Variants in TRIM9 observed in about 807,000 individuals in gnomAD.
TRIM9 encodes the protein tripartite motif containing 9.
A neutral mutation model predicts 78.3 loss-of-function variants in TRIM9; 26 were observed. That is an observed-to-expected ratio of 0.33 (90% CI 0.24 to 0.46). The LOEUF (loss-of-function observed/expected upper bound fraction) is 0.46, where lower values mean the gene tolerates loss of function less well. Among genes scored for constraint, TRIM9 ranks in the 20% least tolerant of loss-of-function variants. TRIM9 has a pLI of 1.00. For missense variants in TRIM9, 787 were observed against 1,036.4 expected, an observed-to-expected ratio of 0.76 and a Z score of 3.30; for synonymous variants, 398 against 416.5, an observed-to-expected ratio of 0.96 and a Z score of 0.54.
chr14:51,009,751 T>C (rs2056322820), intron 4 of TRIM9, among the ~76,000 whole-genome samples: 1 of 152,260 alleles, frequency 6.6e-6, no homozygotes, highest in East Asian at 1.9e-4. Flanking sequence ...TCATTTCTTA[T>C]ATTCAATCGC....
In TRIM9 at chr14:51,049,178, C is replaced by CA. The variant is rs200932195; in HGVS notation, c.823-23819dup. On this transcript the variant is annotated intron_variant, in intron 1 of 12. Coordinates refer to ENST00000684578, the MANE Select transcript of TRIM9 (RefSeq NM_001387360.1). ...CCAGGTTTAAGTGATTCTCCTGCCT[C>CA]AGCCTCCTGAGTAGCTGGGACTACA... Among the ~76,000 whole-genome samples, 32 of 152,262 alleles carry CA rather than the reference C, an allele frequency of 2.1e-4. No homozygotes were observed. The East Asian group carries it at 5.8e-3, about 28-fold the overall frequency.
At chr14:51,047,583 C>T (rs1401530155) in intron 1 of TRIM9, among the ~76,000 whole-genome samples, 1 of 152,156 alleles carries the variant, frequency 6.6e-6, no homozygotes, top group African/African-American at 2.4e-5. Context: ...CATGATGCAC[C>T]TAACACTTGC....
chr14:51,094,954 G>A lies in TRIM9; in HGVS notation c.-15C>T, dbSNP rs1483013745. 2.8e-6 allele frequency: 4 copies of A among 1,433,938 alleles called. No individual in the cohort carries two copies. The highest frequency in any genetic ancestry group is 4.9e-5 in the East Asian group (2 of 41,180). 88.8% of individuals were successfully genotyped at this position (1,433,938 alleles called of 1,614,324 possible). On this transcript the variant is annotated 5_prime_UTR_variant, in exon 1 of 13. Transcript: ENST00000684578. ...ATCTCCTCCATGGGGACCGGTCTGG[G>A]AGGAGACAGCGACGGCTGCAGCGGG... is the stretch of plus-strand genomic sequence containing the variant.
intron 1 of TRIM9, among the ~76,000 whole-genome samples, chr14:51,065,404 T>C (rs963475707): frequency 1.3e-5 from 2 of 152,220 alleles, no homozygotes; most frequent in African/African-American, 4.8e-5. Context: ...TGATGGATAA[T>C]GGATGCTTAA....
chr14:50,986,991 A>G (rs578120026), intron 7 of TRIM9, among the ~76,000 whole-genome samples: 4 of 152,222 alleles, frequency 2.6e-5, no homozygotes, highest in Admixed American at 2.6e-4. Flanking sequence ...AATTACTAAA[A>G]TTGGTCCTTT....
At position 51,094,941 on chromosome 14, in the gene TRIM9, G is replaced by C. The variant is rs759719270; in HGVS notation, c.-2C>G. 1 of 1,479,826 alleles carries C rather than the reference G, an allele frequency of 6.8e-7. No individual in the cohort carries two copies. The highest frequency in any genetic ancestry group is 2.3e-5 in the East Asian group (1 of 42,810). 91.7% of individuals were successfully genotyped at this position (1,479,826 alleles called of 1,614,324 possible). The stretch of plus-strand genomic sequence containing the variant: ...CAACTCCTCTTCCATCTCCTCCATG[G>C]GGACCGGTCTGGGAGGAGACAGCGA... On this transcript the variant is annotated 5_prime_UTR_variant, in exon 1 of 13. Transcript: ENST00000684578.
intron 12 of TRIM9, chr14:50,979,011 C>T (rs1360682529): frequency 8.9e-6 from 11 of 1,238,004 alleles, no homozygotes; most frequent in Non-Finnish European, 1.1e-5. Flanking sequence ...AGTCTTACAC[C>T]CTCACCTCTT....
chr14:50,979,589 G>T, intron 11 of TRIM9, 40 bp from the exon 12 acceptor site: 1 of 1,564,340 alleles, frequency 6.4e-7, no homozygotes, highest in Non-Finnish European at 8.8e-7. Flanking sequence ...TTTCCTTGTG[G>T]TCACTCTAGA....
intron 9 of TRIM9, 116 bp downstream of exon 9, chr14:50,983,264 A>G: frequency 1.1e-6 from 1 of 883,576 alleles, no homozygotes; most frequent in South Asian, 1.9e-5. Flanking sequence ...TAATAGGGTT[A>G]GAATGACAAT....
intron 5 of TRIM9, among the ~76,000 whole-genome samples, chr14:51,007,161 G>T (rs2055917504): frequency 6.6e-6 from 1 of 152,114 alleles, no homozygotes; most frequent in Admixed American, 6.6e-5. Flanking sequence ...AATTGGGTTA[G>T]CTCATTTTTT....
intron 1 of TRIM9, among the ~76,000 whole-genome samples, chr14:51,082,324 AG>A (rs1233986644): frequency 1.4e-4 from 21 of 152,360 alleles, no homozygotes; most frequent in African/African-American, 4.8e-4. Flanking sequence ...CAGCATTATT[AG>A]TAATAGCCAA....
At position 51,009,987 on chromosome 14, in the gene TRIM9, C is replaced by T. The variant is rs78397140; in HGVS notation, c.1152+397G>A. ...GTCAAGAAGGTAGACATCTTACAAACTTAGACACTTAGACATCTGACAAAA... is the reference window on the plus strand; with the variant it reads ...GTCAAGAAGGTAGACATCTTACAAATTTAGACACTTAGACATCTGACAAAA... On this transcript the variant is annotated intron_variant, in intron 4 of 12. Coordinates refer to ENST00000684578, the MANE Select transcript of TRIM9 (RefSeq NM_001387360.1). Among the ~76,000 whole-genome samples, 1,519 of 152,240 alleles carry T rather than the reference C, an allele frequency of 1.0e-2. 24 individuals are homozygous for T. The highest frequency in any genetic ancestry group is 0.035 in the African/African-American group (1,462 of 41,544).
At chr14:51,013,414 A>G (rs2056814781) in intron 3 of TRIM9, among the ~76,000 whole-genome samples, 1 of 152,176 alleles carries the variant, frequency 6.6e-6, no homozygotes. Flanking sequence ...AGTATCCACT[A>G]TTTTGATTAT....
chr14:51,000,816 G>T lies in TRIM9; in HGVS notation c.1331C>A (p.Pro444His). Residue 444 changes from proline to histidine, a missense_variant, in exon 6 of 13, where the codon CCT becomes CAT. By Grantham distance (77) the Pro-to-His change is moderately conservative (BLOSUM62 -2). Around this residue, in one of 3 missense-constraint regions of TRIM9, gnomAD observed 421 missense variants for 514.3 expected, o/e 0.82. Transcript: ENST00000684578. ...ACAACATTCCTCCAGCTGTAGGATA[G>T]GGGTTGCTGGGACTGGAGAGGAAGC... ...VKASSPVPAT[P>H]ILQLEECCTH... 6.2e-7 allele frequency: 1 copy of T among 1,614,204 alleles called. No individual in the cohort carries two copies.
rs200729966 is a variant in TRIM9, at chr14:51,025,366, A to G, written c.823-6T>C. 2.9e-4 allele frequency: 462 copies of G among 1,613,930 alleles called. 1 individual carries two copies. Among genetic ancestry groups the G allele is most frequent in the Admixed American group, 2.6e-3 (156 of 59,998 alleles). On this transcript the variant is annotated splice_region_variant and splice_polypyrimidine_tract_variant and intron_variant, in intron 1 of 12. Coordinates refer to ENST00000684578, the MANE Select transcript of TRIM9 (RefSeq NM_001387360.1). ...AGCGCCTGGGAGAGCTGGCTCTGCAAAGACAAAGAAGGAAGCCATGGAGCT... is the reference window on the plus strand; with the variant it reads ...AGCGCCTGGGAGAGCTGGCTCTGCAGAGACAAAGAAGGAAGCCATGGAGCT...
chr14:50,981,525 T>C (rs1454184230), intron 11 of TRIM9, among the ~76,000 whole-genome samples: 2 of 152,214 alleles, frequency 1.3e-5, no homozygotes, highest in Non-Finnish European at 2.9e-5. Flanking sequence ...TGGATTGTTT[T>C]CTTATAATGG....
At chr14:50,978,490 A>G (rs978621333) in intron 12 of TRIM9, among the ~76,000 whole-genome samples, 2 of 152,178 alleles carry the variant, frequency 1.3e-5, no homozygotes, top group African/African-American at 4.8e-5. Flanking sequence ...GAAACTGTGC[A>G]CAGGCTGTTC....
chr14:50,988,880 A>C (rs1037749765), intron 7 of TRIM9, among the ~76,000 whole-genome samples: 1 of 152,110 alleles, frequency 6.6e-6, no homozygotes, highest in African/African-American at 2.4e-5. Flanking sequence ...GAGGGAAGAA[A>C]CTTAATATCA....
intron 2 of TRIM9, among the ~76,000 whole-genome samples, chr14:51,024,428 A>G (rs1390237316): frequency 1.3e-5 from 2 of 152,244 alleles, no homozygotes; most frequent in Non-Finnish European, 2.9e-5. Context: ...GGTGGCTTAC[A>G]TTTAAAAATC....
Sources: gnomAD v4.1 joint callset for allele counts (sites outside exome capture counted in the v4.1 genomes callset) on GRCh38, gnomAD v4.1.1 for gene constraint, gnomAD v4.1.1 regional missense constraint, MANE v1.5 for transcripts, NCBI Gene and HGNC (gene_info 2026-07-23, HGNC 2026-07-21) for gene names.